Variants in ROBO2 observed in about 807,000 individuals in gnomAD.
ROBO2 encodes the protein roundabout homolog 2.
In ROBO2, 53 loss-of-function variants were observed where a neutral mutation model predicts 160.8. That is an observed-to-expected ratio of 0.33 (90% CI 0.26 to 0.41). ROBO2 has a LOEUF of 0.41. Ranked by LOEUF, ROBO2 falls within the 10% of genes least tolerant of loss-of-function variation. ROBO2 has a pLI of 1.00. For synonymous variants in ROBO2, 664 were observed against 611.7 expected (o/e 1.09, Z -1.26); for missense variants, 1,577 against 1,722.4 (o/e 0.92, Z 1.49).
intron 2 of ROBO2, among the ~76,000 whole-genome samples, chr3:76,373,703 T>C (rs1002419332): frequency 3.3e-5 from 5 of 151,932 alleles, no homozygotes; most frequent in Non-Finnish European, 5.9e-5. Context: ...AAAATGAAGA[T>C]TGCATCAGCT....
At chr3:77,345,991 T>A (rs1342161940) in intron 2 of ROBO2, among the ~76,000 whole-genome samples, 1 of 152,178 alleles carries the variant, frequency 6.6e-6, no homozygotes, top group Non-Finnish European at 1.5e-5. Flanking sequence ...TTGGCCGTCA[T>A]ACACTAATGT....
chr3:77,150,640 C>T lies in ROBO2; in HGVS notation c.388+52300C>T, dbSNP rs559136760. On this transcript the variant is annotated intron_variant, in intron 2 of 25. Coordinates refer to ENST00000461745, the Ensembl canonical transcript of ROBO2. ...CAACAGAAAAGTATCTGTAGATGGT[C>T]ATACTTCAAAAGTTGTAGAAAAAAA... Among the ~76,000 whole-genome samples the T allele has an allele frequency of 4.5e-4, 69 of 151,852 alleles. 1 individual carries two copies. Among genetic ancestry groups the T allele is most frequent in the South Asian group, 8.3e-4 (4 of 4,816 alleles).
At chr3:77,119,931 T>G (rs1350546055) in intron 2 of ROBO2, among the ~76,000 whole-genome samples, 1 of 152,244 alleles carries the variant, frequency 6.6e-6, no homozygotes. Flanking sequence ...TTTAAAGTAC[T>G]GCCTTCCTTC....
chr3:75,960,094 G>A (rs610909), intron 2 of ROBO2, among the ~76,000 whole-genome samples: 137,271 of 151,340 alleles, frequency 0.91, 63,372 homozygotes, highest in East Asian at 1. Context: ...GCTGGGGTGA[G>A]GGGATTGTAG....
chr3:76,791,503 C>G (rs1312389301), intron 2 of ROBO2, among the ~76,000 whole-genome samples: 1 of 151,466 alleles, frequency 6.6e-6, no homozygotes, highest in African/African-American at 2.4e-5. Flanking sequence ...TCTTTTCTCT[C>G]TCTCTGTTTC....
chr3:76,992,751 TA>T (rs2060760438), intron 2 of ROBO2, among the ~76,000 whole-genome samples: 1 of 152,108 alleles, frequency 6.6e-6, no homozygotes, highest in Admixed American at 6.6e-5. Flanking sequence ...GCTTGAGGTC[TA>T]GTCTTTCAGT....
At chr3:76,403,945 A>AT (rs904861123) in intron 2 of ROBO2, among the ~76,000 whole-genome samples, 1 of 151,664 alleles carries the variant, frequency 6.6e-6, no homozygotes, top group Non-Finnish European at 1.5e-5. Flanking sequence ...AGATGATAAG[A>AT]TATCTGGACT....
intron 4 of ROBO2, 49 bp from the exon 5 acceptor site, chr3:77,493,195 T>C (rs1176503858): frequency 6.3e-7 from 1 of 1,592,876 alleles, no homozygotes; most frequent in East Asian, 2.2e-5. Flanking sequence ...ACTTAAAGCA[T>C]GCATAATAGT....
chr3:77,568,388 A>C, exon 13 of ROBO2: 1 of 1,613,092 alleles, frequency 6.2e-7, no homozygotes, highest in Non-Finnish European at 8.5e-7. Flanking sequence ...GTCCGTCTTC[A>C]TAATCCAGTT....
chr3:76,388,552 T>A (rs993904318), intron 2 of ROBO2, among the ~76,000 whole-genome samples: 1 of 152,184 alleles, frequency 6.6e-6, no homozygotes, highest in Non-Finnish European at 1.5e-5. Flanking sequence ...ATTACAGGCA[T>A]AAATTTACCA....
chr3:76,375,734 C>A (rs1218000597), intron 2 of ROBO2, among the ~76,000 whole-genome samples: 1 of 151,780 alleles, frequency 6.6e-6, no homozygotes, highest in Non-Finnish European at 1.5e-5. Context: ...ATGGCACAAA[C>A]CAAAGCAAAA....
At chr3:77,484,327 T>C (rs553703618) in intron 4 of ROBO2, among the ~76,000 whole-genome samples, 1 of 152,094 alleles carries the variant, frequency 6.6e-6, no homozygotes, top group South Asian at 2.1e-4. Flanking sequence ...TAATTATGAG[T>C]AGATTTCAGA....
chr3:75,970,223 A>G (rs2064954713), intron 2 of ROBO2, among the ~76,000 whole-genome samples: 1 of 151,538 alleles, frequency 6.6e-6, no homozygotes, highest in Admixed American at 6.6e-5. Context: ...TTCTCTGGAA[A>G]GACATTTATT....
At chr3:77,316,918 G>A (rs1189388900) in intron 2 of ROBO2, 1 of 1,199,304 alleles carries the variant, frequency 8.3e-7, no homozygotes, top group Non-Finnish European at 1.2e-6. Context: ...GCAGGCATGA[G>A]GGTCAGTCTG....
intron 2 of ROBO2, among the ~76,000 whole-genome samples, chr3:76,727,175 G>C (rs778886851): frequency 2.6e-5 from 4 of 152,108 alleles, no homozygotes; most frequent in Non-Finnish European, 5.9e-5. Flanking sequence ...ATGAACATCT[G>C]TTTCTCTTTT....
chr3:76,460,211 T>G (rs1341348945), intron 2 of ROBO2, among the ~76,000 whole-genome samples: 1 of 152,006 alleles, frequency 6.6e-6, no homozygotes, highest in Non-Finnish European at 1.5e-5. Flanking sequence ...ACCCCAAGAT[T>G]TAACTTACCA....
At chr3:77,254,959 T>C (rs2090769847) in intron 2 of ROBO2, among the ~76,000 whole-genome samples, 1 of 152,210 alleles carries the variant, frequency 6.6e-6, no homozygotes, top group South Asian at 2.1e-4. Context: ...GGCAGGTTCC[T>C]CTATCTGTCT....
At chr3:76,053,542 C>T (rs73842911) in intron 2 of ROBO2, among the ~76,000 whole-genome samples, 3,123 of 152,028 alleles carry the variant, frequency 0.021, 45 homozygotes, top group East Asian at 0.081. Context: ...TACATGAAAA[C>T]ATTTCTTTAT....
intron 2 of ROBO2, among the ~76,000 whole-genome samples, chr3:76,538,494 A>T (rs2082637014): frequency 6.6e-6 from 1 of 152,220 alleles, no homozygotes; most frequent in Admixed American, 6.5e-5. Flanking sequence ...ATCACGTACC[A>T]TTGTTTAACT....
Sources: gnomAD v4.1 joint callset for allele counts (sites outside exome capture counted in the v4.1 genomes callset) on GRCh38, gnomAD v4.1.1 for gene constraint, MANE v1.5 for transcripts, NCBI Gene and HGNC (gene_info 2026-07-23, HGNC 2026-07-21) for gene names.